The following MAST4 variants were observed in gnomAD, a reference collection of about 807,000 sequenced individuals.
MAST4 encodes the protein microtubule associated serine/threonine kinase family member 4.
MAST4 carries 89 observed loss-of-function variants against 162.7 expected under a neutral mutation model. The observed-to-expected ratio is 0.55, with a 90% CI of 0.46 to 0.65. MAST4 has a LOEUF of 0.65. Among genes scored for constraint, MAST4 ranks in the 30% least tolerant of loss-of-function variants. The probability of loss-of-function intolerance (pLI) is 0.00; values close to 1 mark genes in which losing one functional copy is unlikely to be tolerated. For missense variants in MAST4, 3,153 were observed against 3,374.0 expected (o/e 0.93, Z 1.62); for synonymous variants, 1,479 against 1,361.1 (o/e 1.09, Z -1.91).
At chr5:66,704,658 G>C (rs1750012628) in intron 1 of MAST4, among the ~76,000 whole-genome samples, 1 of 151,892 alleles carries the variant, frequency 6.6e-6, no homozygotes, top group Admixed American at 6.6e-5. Context: ...TTGCCACCAT[G>C]CTTGGCTAAT....
intron 3 of MAST4, among the ~76,000 whole-genome samples, chr5:66,872,446 A>C (rs1761008331): frequency 6.6e-6 from 1 of 152,198 alleles, no homozygotes; most frequent in Non-Finnish European, 1.5e-5. Flanking sequence ...CTGGGATTAC[A>C]GGCGGGAGCC....
chr5:66,822,686 A>G (rs1232988201), intron 3 of MAST4, among the ~76,000 whole-genome samples: 1 of 152,158 alleles, frequency 6.6e-6, no homozygotes, highest in Non-Finnish European at 1.5e-5. Context: ...TTATAGGCAC[A>G]TGGCTCAGAG....
At chr5:67,085,877 G>A (rs1763177113) in intron 5 of MAST4, among the ~76,000 whole-genome samples, 1 of 152,096 alleles carries the variant, frequency 6.6e-6, no homozygotes, top group Non-Finnish European at 1.5e-5. Flanking sequence ...AAAGTTCTCA[G>A]GGGGAACGGA....
intron 19 of MAST4, 48 bp downstream of exon 19, chr5:67,136,712 C>T: frequency 7.2e-7 from 1 of 1,385,656 alleles, no homozygotes; most frequent in Non-Finnish European, 1.0e-6. Flanking sequence ...GAAATAATGT[C>T]TACATGGAGC....
chr5:67,017,717 C>T (rs1187108702), intron 4 of MAST4, among the ~76,000 whole-genome samples: 2 of 151,326 alleles, frequency 1.3e-5, no homozygotes, highest in Non-Finnish European at 2.9e-5. Flanking sequence ...GATTCGCCTG[C>T]CTCGGCCTCC....
intron 4 of MAST4, among the ~76,000 whole-genome samples, chr5:66,944,047 G>A (rs755228231): frequency 6.6e-5 from 10 of 152,052 alleles, no homozygotes; most frequent in African/African-American, 1.2e-4. Context: ...TAGAGTTGAC[G>A]TGTAAAATTC....
At chr5:66,901,357 TTA>T (rs1164634704) in intron 4 of MAST4, among the ~76,000 whole-genome samples, 1 of 152,004 alleles carries the variant, frequency 6.6e-6, no homozygotes, top group African/African-American at 2.4e-5. Context: ...ATTATAAAGA[TTA>T]TGTTAATTAC....
intron 1 of MAST4, among the ~76,000 whole-genome samples, chr5:66,700,984 A>G (rs1399248359): frequency 6.6e-6 from 1 of 152,044 alleles, no homozygotes; most frequent in African/African-American, 2.4e-5. Context: ...TATGTTTTTA[A>G]TCTTCTGTGT....
intron 4 of MAST4, among the ~76,000 whole-genome samples, chr5:67,038,264 AT>A (rs1219707559): frequency 7.3e-6 from 1 of 137,016 alleles, no homozygotes; most frequent in Non-Finnish European, 1.6e-5. Flanking sequence ...TTTAACACAG[AT>A]TTTGTCAAAT....
chr5:66,926,686 C>T (rs1764929908), intron 4 of MAST4, among the ~76,000 whole-genome samples: 2 of 150,772 alleles, frequency 1.3e-5, no homozygotes, highest in Admixed American at 1.3e-4. Context: ...ATATATATTT[C>T]CATTATTGTT....
At chr5:66,888,170 T>A (rs1025089144) in intron 3 of MAST4, among the ~76,000 whole-genome samples, 1 of 152,268 alleles carries the variant, frequency 6.6e-6, no homozygotes, top group Non-Finnish European at 1.5e-5. Flanking sequence ...GTTTATTCTG[T>A]GACCTCTTTA....
chr5:66,600,213 C>T (rs1421118460), intron 1 of MAST4, among the ~76,000 whole-genome samples: 1 of 152,138 alleles, frequency 6.6e-6, no homozygotes, highest in Admixed American at 6.5e-5. Context: ...ATGTCAAACA[C>T]ATGACAGCTA....
intron 4 of MAST4, among the ~76,000 whole-genome samples, chr5:66,918,993 C>T (rs1372048595): frequency 1.3e-5 from 2 of 151,514 alleles, no homozygotes; most frequent in Non-Finnish European, 2.9e-5. Context: ...ATCCCAGCTA[C>T]TTGGGAGGCT....
chr5:67,163,257 G>A lies in MAST4; in HGVS notation c.4078G>A (p.Gly1360Arg). 4 of 1,613,512 alleles carry A rather than the reference G, an allele frequency of 2.5e-6. No individual in the cohort carries two copies. The highest frequency in any genetic ancestry group is 1.1e-5 in the South Asian group (1 of 91,078). Residue 1360 changes from glycine to arginine, a missense_variant, in exon 29 of 29, where the codon GGG becomes AGG. Transcript: ENST00000403625. The surrounding 1 kb of genome is among the most constrained non-coding windows in gnomAD (Gnocchi z 7.0). The stretch of plus-strand genomic sequence containing the variant: ...CCACGGTCTTGCACCCAAACTCGGC[G>A]GGCAGCGGTACCGGTCCGGAAGGCG... ...TLHGLAPKLG[G>R]QRYRSGRRKS...
intron 12 of MAST4, among the ~76,000 whole-genome samples, chr5:67,118,364 C>T (rs182069623): frequency 5.4e-4 from 82 of 152,340 alleles, no homozygotes; most frequent in African/African-American, 1.9e-3. Flanking sequence ...ATACCTGATT[C>T]TAAGCAGAGT....
At chr5:66,999,143 C>T (rs1004742980) in intron 4 of MAST4, among the ~76,000 whole-genome samples, 1 of 152,194 alleles carries the variant, frequency 6.6e-6, no homozygotes, top group African/African-American at 2.4e-5. Flanking sequence ...GCCCAGTAGT[C>T]TCCTTCTTTT....
intron 26 of MAST4, among the ~76,000 whole-genome samples, chr5:67,156,956 C>A (rs1334344922): frequency 6.6e-6 from 1 of 152,194 alleles, no homozygotes. Flanking sequence ...ACACTGTGCA[C>A]CAGTCATGAA....
intron 1 of MAST4, among the ~76,000 whole-genome samples, chr5:66,694,150 G>A (rs966048915): frequency 6.6e-6 from 1 of 152,110 alleles, no homozygotes. Context: ...AAGTTACATG[G>A]GACCCACCCT....
intron 4 of MAST4, among the ~76,000 whole-genome samples, chr5:67,014,233 T>G (rs1753021879): frequency 6.6e-6 from 1 of 152,186 alleles, no homozygotes; most frequent in Non-Finnish European, 1.5e-5. Flanking sequence ...GCTCAACCAC[T>G]GCAAAGGGCA....
Sources: gnomAD v4.1 joint callset for allele counts (sites outside exome capture counted in the v4.1 genomes callset) on GRCh38, gnomAD v4.1.1 for gene constraint, Gnocchi (gnomAD v3.1) non-coding constraint, MANE v1.5 for transcripts, NCBI Gene and HGNC (gene_info 2026-07-23, HGNC 2026-07-21) for gene names.